Variants in TLCD4 observed in about 807,000 individuals in gnomAD.
The protein encoded by TLCD4 is TLC domain containing 4.
Under a neutral mutation model 24.2 loss-of-function variants are expected in TLCD4, and 7 were observed. That is an observed-to-expected ratio of 0.29 (90% CI 0.16 to 0.54). The LOEUF (loss-of-function observed/expected upper bound fraction) is 0.54, where lower values mean the gene tolerates loss of function less well. Ranked by LOEUF, TLCD4 falls within the 20% of genes least tolerant of loss-of-function variation. The pLI, the probability that TLCD4 is intolerant of heterozygous loss-of-function variation, is 0.95. For missense variants in TLCD4, 259 were observed against 313.9 expected, an observed-to-expected ratio of 0.82 and a Z score of 1.32; for synonymous variants, 103 against 106.4, an observed-to-expected ratio of 0.97 and a Z score of 0.20.
chr1:95,143,620 CTT>C (rs1036775554), intron 1 of TLCD4, among the ~76,000 whole-genome samples: 18 of 151,960 alleles, frequency 1.2e-4, no homozygotes, highest in Non-Finnish European at 2.1e-4. Flanking sequence ...AATATTAAGA[CTT>C]AGATAATTTT....
At chr1:95,178,522 C>G (rs1173415262) in intron 6 of TLCD4, among the ~76,000 whole-genome samples, 1 of 149,378 alleles carries the variant, frequency 6.7e-6, no homozygotes, top group East Asian at 2.0e-4. Context: ...CTCGGCCTCC[C>G]AAAATGCTGG....
upstream of TLCD4, among the ~76,000 whole-genome samples, chr1:95,112,673 T>C (rs896139940): frequency 2.0e-5 from 3 of 152,188 alleles, no homozygotes; most frequent in Non-Finnish European, 4.4e-5. Flanking sequence ...AAGAGTAGAA[T>C]GAAGACATTT....
At chr1:95,127,037 A>C (rs1676758747) in intron 1 of TLCD4, among the ~76,000 whole-genome samples, 1 of 152,200 alleles carries the variant, frequency 6.6e-6, no homozygotes, top group Admixed American at 6.5e-5. Context: ...TTAACAGATT[A>C]TCTCACTTAA....
Position 95,148,741 on chromosome 1 carries a change from T to C in TLCD4, c.195T>C (p.Phe65=). 1.1e-5 allele frequency: 18 copies of C among 1,613,836 alleles called. No homozygotes were observed. The highest frequency in any genetic ancestry group is 1.5e-5 in the Non-Finnish European group (18 of 1,179,828). ...GCCATTCTTTGGTGGTTGGTATTTT[T>C]GGCCTGTACATTTTCTTATTCGATG... ...STCHSLVVGI[F]GLYIFLFDEA... The change falls in exon 3 of 7, where the codon TTT becomes TTC. Residue 65 remains phenylalanine, a synonymous_variant. Transcript: ENST00000370203.
intron 2 of TLCD4, among the ~76,000 whole-genome samples, chr1:95,144,595 G>GTT (rs199622981): frequency 4.8e-5 from 7 of 145,922 alleles, no homozygotes; most frequent in East Asian, 2.0e-4. Flanking sequence ...TTTCTTTTTA[G>GTT]TTTTTTTTTT....
At chr1:95,166,232 T>C (rs1678014620) in intron 5 of TLCD4, among the ~76,000 whole-genome samples, 1 of 152,098 alleles carries the variant, frequency 6.6e-6, no homozygotes, top group Admixed American at 6.5e-5. Context: ...GATTTAAAAA[T>C]CTATGGGTAA....
Position 95,171,058 on chromosome 1 carries a change from CT to C in TLCD4, c.400-2750del, listed in dbSNP as rs995370678. On this transcript the variant is annotated intron_variant, in intron 5 of 6. Coordinates refer to ENST00000370203, the MANE Select transcript of TLCD4 (RefSeq NM_152487.3). ...CATTTGTGCTTTTCTCATCCCCCCC[CT>C]TTTTTTTAGCCGCAAATGTGATTTC... Among the ~76,000 whole-genome samples the C allele has an allele frequency of 2.1e-4, 30 of 142,948 alleles. No individual in the cohort carries two copies. In the East Asian group the frequency reaches 3.4e-3, roughly 16 times the overall value. The allele number at this position is 142,948 out of a possible 152,430, so 93.8% of individuals were successfully genotyped here.
intron 2 of TLCD4, among the ~76,000 whole-genome samples, chr1:95,148,289 C>G (rs2100943261): frequency 6.6e-6 from 1 of 152,286 alleles, no homozygotes; most frequent in South Asian, 2.1e-4. Context: ...AAGTCATTCC[C>G]AGCTGATTGG....
At chr1:95,094,497 C>CTGTTGGTGAGA in the TLCD4 span, among the ~76,000 whole-genome samples, 1 of 152,286 alleles carries the variant, frequency 6.6e-6, no homozygotes, top group African/African-American at 2.4e-5. Flanking sequence ...ACTTGCAAGG[C>CTGTTGGTGAGA]CCAGTGAGAT....
intron 5 of TLCD4, among the ~76,000 whole-genome samples, chr1:95,156,938 A>T (rs1050860325): frequency 4.7e-4 from 72 of 152,132 alleles, no homozygotes; most frequent in African/African-American, 1.7e-3. Flanking sequence ...AGGGTCAGGG[A>T]CCAGAAGAAG....
At chr1:95,129,930 T>C (rs1028430534) in intron 1 of TLCD4, among the ~76,000 whole-genome samples, 2 of 152,334 alleles carry the variant, frequency 1.3e-5, no homozygotes, top group African/African-American at 4.8e-5. Flanking sequence ...AATGGTTCTT[T>C]AACTTGATGC....
chr1:95,165,700 A>G (rs1475296039), intron 5 of TLCD4, among the ~76,000 whole-genome samples: 2 of 152,154 alleles, frequency 1.3e-5, no homozygotes, highest in Non-Finnish European at 2.9e-5. Context: ...TCCTGACCTC[A>G]GGTGATCCAC....
intron 2 of TLCD4, among the ~76,000 whole-genome samples, chr1:95,145,526 T>G (rs1196404114): frequency 6.6e-6 from 1 of 152,236 alleles, no homozygotes; most frequent in Non-Finnish European, 1.5e-5. Flanking sequence ...TTATTTTGTC[T>G]TAAGACTAGC....
intron 5 of TLCD4, among the ~76,000 whole-genome samples, chr1:95,169,375 T>G (rs1322489636): frequency 6.6e-6 from 1 of 152,196 alleles, no homozygotes; most frequent in Non-Finnish European, 1.5e-5. Context: ...ATGCCCAACT[T>G]TTTTCAAATT....
chr1:95,095,776 G>A, the TLCD4 span, among the ~76,000 whole-genome samples: 3 of 152,206 alleles, frequency 2.0e-5, no homozygotes, highest in Non-Finnish European at 2.9e-5. Flanking sequence ...TGAGAATTAA[G>A]TAAGGACTAA....
chr1:95,132,481 A>G (rs945329985), intron 1 of TLCD4, among the ~76,000 whole-genome samples: 2 of 144,324 alleles, frequency 1.4e-5, no homozygotes, highest in Non-Finnish European at 3.0e-5. Context: ...AAAAAAAAGT[A>G]GTCTCAGATG....
At chr1:95,139,913 GAC>G (rs1314122723) in intron 1 of TLCD4, among the ~76,000 whole-genome samples, 10 of 152,178 alleles carry the variant, frequency 6.6e-5, no homozygotes, top group East Asian at 1.9e-4. Context: ...CGAAGACTCA[GAC>G]ACACACATTA....
intron 1 of TLCD4, among the ~76,000 whole-genome samples, chr1:95,121,384 G>A (rs1676565636): frequency 6.6e-6 from 1 of 152,214 alleles, no homozygotes; most frequent in African/African-American, 2.4e-5. Flanking sequence ...TGGAGCAGAA[G>A]CAGCGGATGG....
Position 95,125,146 on chromosome 1 carries a change from G to A in TLCD4, c.-12+7529G>A, listed in dbSNP as rs142556332. Among the ~76,000 whole-genome samples, 238 of 152,254 alleles carry A rather than the reference G, an allele frequency of 1.6e-3. 2 individuals carry two copies. Among genetic ancestry groups the A allele is most frequent in the Middle Eastern group, 0.01 (3 of 294 alleles). On this transcript the variant is annotated intron_variant, in intron 1 of 6. Coordinates refer to ENST00000370203, the MANE Select transcript of TLCD4 (RefSeq NM_152487.3). The stretch of plus-strand genomic sequence containing the variant: ...CCACATTCACCAAATTCTTGCCTTG[G>A]GAATGTTGGCCTAAAACAGTTCTTC...
Sources: gnomAD v4.1 joint callset for allele counts (sites outside exome capture counted in the v4.1 genomes callset) on GRCh38, gnomAD v4.1.1 for gene constraint, MANE v1.5 for transcripts, NCBI Gene and HGNC (gene_info 2026-07-23, HGNC 2026-07-21) for gene names.